Variants in ATP2B4 observed in about 807,000 individuals in gnomAD.
ATP2B4 encodes the protein ATPase plasma membrane Ca2+ transporting 4.
In ATP2B4, 39 loss-of-function variants were observed where a neutral mutation model predicts 110.3. The ratio of observed to expected loss-of-function variants is 0.35; its 90% CI spans 0.27 to 0.46. The LOEUF (loss-of-function observed/expected upper bound fraction) is 0.46, where lower values mean the gene tolerates loss of function less well. ATP2B4 is among the 20% of genes least tolerant of loss of function. ATP2B4 has a pLI of 1.00. For synonymous variants in ATP2B4, 538 were observed against 571.7 expected, an observed-to-expected ratio of 0.94 and a Z score of 0.84; for missense variants, 1,135 against 1,530.9, an observed-to-expected ratio of 0.74 and a Z score of 4.32.
intron 1 of ATP2B4, among the ~76,000 whole-genome samples, chr1:203,679,660 G>A (rs901721247): frequency 1.3e-5 from 2 of 152,078 alleles, no homozygotes; most frequent in African/African-American, 4.8e-5. Context: ...CGAGGGGGGT[G>A]GATCACAAGG....
At position 203,741,819 on chromosome 1, in the gene ATP2B4, G is replaced by GA. The variant is rs1293121498; in HGVS notation, c.*1972dup. ...TTTTGTGTCTTAAATACTCATAGGGGAAAAAAACAGCTCACCCAAGGTGTT... is the reference window on the plus strand; with the variant it reads ...TTTTGTGTCTTAAATACTCATAGGGGAAAAAAAACAGCTCACCCAAGGTGTT... On this transcript the variant is annotated 3_prime_UTR_variant, in exon 21 of 21. Coordinates refer to ENST00000357681, the MANE Select transcript of ATP2B4 (RefSeq NM_001684.5). 2 of 152,504 alleles carry GA rather than the reference G, an allele frequency of 1.3e-5. No homozygotes were observed. The highest frequency in any genetic ancestry group is 4.8e-5 in the African/African-American group (2 of 41,396). The allele number at this position is 152,504 out of a possible 1,614,324, so 9.4% of individuals were successfully genotyped here. A position where few individuals can be genotyped will look rare whatever the true frequency, so the allele number is the denominator to read the frequency against.
chr1:203,665,488 G>A (rs1664475867), intron 1 of ATP2B4, among the ~76,000 whole-genome samples: 1 of 152,212 alleles, frequency 6.6e-6, no homozygotes, highest in African/African-American at 2.4e-5. Context: ...CTCTGCCCCT[G>A]TCCTGCTTTC....
intron 1 of ATP2B4, among the ~76,000 whole-genome samples, chr1:203,646,216 TC>T (rs774117088): frequency 1.1e-3 from 156 of 140,634 alleles, no homozygotes; most frequent in Non-Finnish European, 1.8e-3. Context: ...GTCATTCCTA[TC>T]TTCCCTTTCA....
chr1:203,671,763 T>C (rs1014972365), intron 1 of ATP2B4, among the ~76,000 whole-genome samples: 3 of 152,224 alleles, frequency 2.0e-5, no homozygotes, highest in Admixed American at 2.0e-4. Flanking sequence ...TGGGTCTTGC[T>C]ATGCAGAAGT....
chr1:203,656,879 C>T (rs536837323), intron 1 of ATP2B4: 14 of 497,670 alleles, frequency 2.8e-5, no homozygotes, highest in Admixed American at 3.5e-5. Flanking sequence ...TGATTGCAGA[C>T]ATATATGGCT....
intron 6 of ATP2B4, among the ~76,000 whole-genome samples, chr1:203,701,246 G>A (rs1665684453): frequency 6.6e-6 from 1 of 152,124 alleles, no homozygotes; most frequent in African/African-American, 2.4e-5. Context: ...AATGCCTTCC[G>A]TGTACTCCCC....
chr1:203,703,896 C>T lies in ATP2B4; in HGVS notation c.1099+83C>T, dbSNP rs973752160. 23 of 1,472,776 alleles carry T rather than the reference C, an allele frequency of 1.6e-5. No homozygotes were observed. The Admixed American group carries it at 2.4e-4, about 15-fold the overall frequency. The allele number at this position is 1,472,776 out of a possible 1,614,324, so 91.2% of individuals were successfully genotyped here. ...TTTATCCCCTTCTTTCTGCACCGAC[C>T]GAGACTGGCAGAAAGAAGCTGAAAC... is the stretch of plus-strand genomic sequence containing the variant. On this transcript the variant is annotated intron_variant, in intron 8 of 20. Coordinates refer to ENST00000357681, the MANE Select transcript of ATP2B4 (RefSeq NM_001684.5).
intron 1 of ATP2B4, among the ~76,000 whole-genome samples, chr1:203,632,673 T>C (rs1273222435): frequency 2.7e-5 from 4 of 150,092 alleles, no homozygotes; most frequent in Non-Finnish European, 4.4e-5. Flanking sequence ...CTTCATTCCC[T>C]GATTCTATAT....
chr1:203,663,836 T>C (rs1558022278), intron 1 of ATP2B4, among the ~76,000 whole-genome samples: 1 of 152,166 alleles, frequency 6.6e-6, no homozygotes, highest in Non-Finnish European at 1.5e-5. Context: ...ACTCCTGGCC[T>C]CAAGCGATCC....
chr1:203,724,867 G>T (rs73064462), intron 19 of ATP2B4, among the ~76,000 whole-genome samples: 22,768 of 78,004 alleles, frequency 0.29, 3,590 homozygotes, highest in South Asian at 0.39. Context: ...CCAGCTCTCT[G>T]TTTTTTTTTT....
Position 203,698,253 on chromosome 1 carries a change from T to G in ATP2B4, c.290T>G (p.Val97Gly). ...AAGCCCAAGACTTTCTTAGAATTAG[T>G]GTGGGAAGCTCTTCAAGATGTCACG... ...PKKPKTFLEL[V>G]WEALQDVTLI... is the part of the protein sequence containing the mutation. The change falls in exon 3 of 21, where the codon GTG becomes GGG. Residue 97 changes from valine (V) to glycine (G), a missense_variant. Physicochemically the swap from Val to Gly is moderately radical, Grantham distance 109 (BLOSUM62 -3). Transcript: ENST00000357681. The G allele has an allele frequency of 1.2e-6, 2 of 1,614,194 alleles. No individual in the cohort carries two copies. Among genetic ancestry groups the G allele is most frequent in the Non-Finnish European group, 1.7e-6 (2 of 1,180,022 alleles).
chr1:203,681,248 T>G (rs960023623), intron 1 of ATP2B4, among the ~76,000 whole-genome samples: 2 of 152,140 alleles, frequency 1.3e-5, no homozygotes, highest in Non-Finnish European at 2.9e-5. Flanking sequence ...GGGAGGAGTA[T>G]AAATCAACCT....
At chr1:203,661,815 C>T (rs1664346232) in intron 1 of ATP2B4, among the ~76,000 whole-genome samples, 1 of 151,908 alleles carries the variant, frequency 6.6e-6, no homozygotes, top group Non-Finnish European at 1.5e-5. Flanking sequence ...TGACCTGTGC[C>T]CCACTGGCCT....
Position 203,721,341 on chromosome 1 carries a change from A to G in ATP2B4, c.2743A>G (p.Thr915Ala), listed in dbSNP as rs764739471. 6.2e-7 allele frequency: 1 copy of G among 1,614,230 alleles called. No individual in the cohort carries two copies. Among genetic ancestry groups the G allele is most frequent in the East Asian group, 2.2e-5 (1 of 44,878 alleles). The change falls in exon 17 of 21, where the codon ACT becomes GCT. Residue 915 changes from threonine to alanine, a missense_variant. By Grantham distance (58) the Thr-to-Ala change is moderately conservative. Around this residue, in one of 9 missense-constraint regions of ATP2B4, gnomAD observed 155 missense variants for 186.2 expected, o/e 0.83. Coordinates refer to ENST00000357681, the MANE Select transcript of ATP2B4 (RefSeq NM_001684.5). ...CCGAAATAAGCCTCTGATCTCACGC[A>G]CTATGATGAAGAACATCTTGGGCCA... ...YGRNKPLISR[T>A]MMKNILGHAF...
chr1:203,699,473 C>A lies in ATP2B4; in HGVS notation c.405C>A (p.Val135=). Residue 135 remains valine, a synonymous_variant, in exon 4 of 21, where the codon GTC becomes GTA. Coordinates refer to ENST00000357681, the MANE Select transcript of ATP2B4 (RefSeq NM_001684.5). ...TTCCTGGGATAGTGTGTGGTCAAGT[C>A]GCAACTACCCCAGAAGATGAAAATG... ...AGEENELCGQ[V]ATTPEDENEA... is the part of the protein sequence containing the mutation. 1 of 1,614,090 alleles carries A rather than the reference C, an allele frequency of 6.2e-7. No homozygotes were observed. The highest frequency in any genetic ancestry group is 1.1e-5 in the South Asian group (1 of 91,050).
rs907063301 is a variant in ATP2B4, at chr1:203,741,853, C to T, written c.*1999C>T. ...AGCTCACCCAAGGTGTTAGGTTTCA[C>T]ATATATATTCATCAACTATTTTAGA... On this transcript the variant is annotated 3_prime_UTR_variant, in exon 21 of 21. Coordinates refer to ENST00000357681, the MANE Select transcript of ATP2B4 (RefSeq NM_001684.5). The T allele has an allele frequency of 1.3e-5, 2 of 152,606 alleles. No individual in the cohort carries two copies. The highest frequency in any genetic ancestry group is 4.8e-5 in the African/African-American group (2 of 41,450). 9.5% of individuals were successfully genotyped at this position (152,606 alleles called of 1,614,324 possible).
chr1:203,699,486 G>C lies in ATP2B4; in HGVS notation c.418G>C (p.Glu140Gln), dbSNP rs561199787. 6.8e-6 allele frequency: 11 copies of C among 1,614,050 alleles called. No individual in the cohort carries two copies. The highest frequency in any genetic ancestry group is 9.3e-6 in the Non-Finnish European group (11 of 1,180,042). The change falls in exon 4 of 21, where the codon GAA (glutamate) becomes CAA (glutamine). Residue 140 changes from glutamate (E) to glutamine (Q), a missense_variant. Glu to Gln is a conservative substitution (Grantham distance 29, BLOSUM62 2). Around this residue, in one of 9 missense-constraint regions of ATP2B4, gnomAD observed 101 missense variants for 182.6 expected, o/e 0.55. Transcript: ENST00000357681. ...GTGTGGTCAAGTCGCAACTACCCCA[G>C]AAGATGAAAATGAGGCACAAGCTGG... ...ELCGQVATTP[E>Q]DENEAQAGWI...
chr1:203,733,169 C>T (rs1666781803), intron 20 of ATP2B4: 3 of 1,516,104 alleles, frequency 2.0e-6, no homozygotes, highest in South Asian at 2.5e-5. Flanking sequence ...TCTTTCTTCA[C>T]CTCTCTCGGA....
chr1:203,656,080 T>G lies in ATP2B4; in HGVS notation c.-464-26662T>G, dbSNP rs1047793223. Among the ~76,000 whole-genome samples, 6 of 129,884 alleles carry G rather than the reference T, an allele frequency of 4.6e-5. No homozygotes were observed. In the Admixed American group the frequency reaches 4.8e-4, roughly 10 times the overall value. 85.2% of individuals were successfully genotyped at this position (129,884 alleles called of 152,430 possible). A position where few individuals can be genotyped will look rare whatever the true frequency, so the allele number is the denominator to read the frequency against. On this transcript the variant is annotated intron_variant, in intron 1 of 20. Transcript: ENST00000357681. Reference sequence around the variant, plus strand: ...CACGCCCAGCTATTTTTTTTTTTTTTTGGTGATTATAGATTAATATAATAT... The same window carrying G: ...CACGCCCAGCTATTTTTTTTTTTTTGTGGTGATTATAGATTAATATAATAT...
Sources: gnomAD v4.1 joint callset for allele counts (sites outside exome capture counted in the v4.1 genomes callset) on GRCh38, gnomAD v4.1.1 for gene constraint, gnomAD v4.1.1 regional missense constraint, MANE v1.5 for transcripts, NCBI Gene and HGNC (gene_info 2026-07-23, HGNC 2026-07-21) for gene names.